Variants in INF2 observed in about 807,000 individuals in gnomAD.
INF2 encodes the protein inverted formin 2.
Under a neutral mutation model 123.5 loss-of-function variants are expected in INF2, and 43 were observed. That is an observed-to-expected ratio of 0.35 (90% CI 0.27 to 0.45). The LOEUF (loss-of-function observed/expected upper bound fraction) is 0.45, where lower values mean the gene tolerates loss of function less well. Among genes scored for constraint, INF2 ranks in the 20% least tolerant of loss-of-function variants. The pLI is 1.00. For missense variants in INF2, 1,453 were observed against 1,682.7 expected (o/e 0.86, Z 2.39); for synonymous variants, 851 against 745.0 (o/e 1.14, Z -2.32).
chr14:104,708,261 CCCTGCTACAGGTGCT>C, intron 8 of INF2, 160 bp from the exon 9 acceptor site: 1 of 906,150 alleles, frequency 1.1e-6, no homozygotes, highest in Non-Finnish European at 1.6e-6. Flanking sequence ...TGCCCTGGGG[CCCTGCTACAGGTGCT>C]CAGGTAGGGA....
chr14:104,712,702 C>G, intron 17 of INF2, 126 bp from the exon 18 acceptor site: 1 of 1,480,044 alleles, frequency 6.8e-7, no homozygotes, highest in Non-Finnish European at 9.1e-7. Context: ...GGCCCCTGCT[C>G]CTTGTCAGAG....
intron 4 of INF2, 45 bp from the exon 5 acceptor site, chr14:104,703,870 CG>C (rs748768429): frequency 1.2e-6 from 2 of 1,609,802 alleles, no homozygotes; most frequent in Admixed American, 3.3e-5. Context: ...ATGGGGAAGG[CG>C]GGGAGTGGCC....
intron 15 of INF2, 22 bp downstream of exon 15, chr14:104,711,208 A>G: frequency 6.5e-7 from 1 of 1,536,654 alleles, no homozygotes; most frequent in Non-Finnish European, 8.8e-7. Context: ...TGGCGGGGGC[A>G]TAATGGGAGG....
chr14:104,707,846 A>G lies in INF2; in HGVS notation c.1579A>G (p.Ser527Gly). 6.5e-7 allele frequency: 1 copy of G among 1,550,214 alleles called. No individual in the cohort carries two copies. Among genetic ancestry groups the G allele is most frequent in the Non-Finnish European group, 8.7e-7 (1 of 1,149,060 alleles). Residue 527 changes from serine (S) to glycine (G), a missense_variant, in exon 8 of 23, where the codon AGC becomes GGC. Physicochemically the swap from Ser to Gly is moderately conservative, Grantham distance 56 (BLOSUM62 0). This residue lies in a region of INF2 where 374 missense variants were observed against 303.7 expected (regional missense o/e 1.23). Transcript: ENST00000392634. ...PPPPLLPCTCSPPVAGGMEEV... is the reference protein window; with the variant it reads ...PPPPLLPCTCGPPVAGGMEEV... ...ACCTCCACTACTGCCCTGCACCTGC[A>G]GCCCCCCCGTGGCGGGAGGCATGGA...
chr14:104,688,522 G>T (rs916156331), upstream of INF2, among the ~76,000 whole-genome samples: 1 of 152,260 alleles, frequency 6.6e-6, no homozygotes, highest in Non-Finnish European at 1.5e-5. Flanking sequence ...TCAGGACTCC[G>T]AGTGGAGACA....
At chr14:104,703,798 G>T in intron 4 of INF2, 118 bp from the exon 5 acceptor site, 1 of 1,537,886 alleles carries the variant, frequency 6.5e-7, no homozygotes, top group Non-Finnish European at 8.9e-7. Flanking sequence ...CAGAGCCTCA[G>T]GTCTCTGGTG....
chr14:104,718,699 T>C, intron 22 of INF2, 96 bp from the exon 23 acceptor site: 2 of 1,561,776 alleles, frequency 1.3e-6, no homozygotes, highest in South Asian at 1.2e-5. Flanking sequence ...ACAGTGGCGA[T>C]GAGGGGTTCA....
intron 2 of INF2, among the ~76,000 whole-genome samples, chr14:104,702,808 A>G (rs1889592684): frequency 6.6e-6 from 1 of 152,164 alleles, no homozygotes; most frequent in African/African-American, 2.4e-5. Flanking sequence ...TGTCTGCCAT[A>G]AACACAGTAA....
Position 104,706,975 on chromosome 14 carries a change from C to T in INF2, c.909C>T (p.Pro303=), listed in dbSNP as rs2140665690. The T allele has an allele frequency of 6.2e-7, 1 of 1,600,372 alleles. No individual in the cohort carries two copies. The highest frequency in any genetic ancestry group is 8.5e-7 in the Non-Finnish European group (1 of 1,178,958). The change falls in exon 7 of 23, where the codon CCC becomes CCT. Residue 303 remains proline, a synonymous_variant. Coordinates refer to ENST00000392634, the MANE Select transcript of INF2 (RefSeq NM_022489.4). ...TGCAGGGCCTCCTGCACCTGGAGCC[C>T]ACCCTCCGCTCCAGCCAGCTGCTCT... ...SVLQGLLHLE[P]TLRSSQLLWE...
chr14:104,709,950 G>A (rs1889968445), intron 12 of INF2, 138 bp from the exon 13 acceptor site: 1 of 804,674 alleles, frequency 1.2e-6, no homozygotes, highest in Non-Finnish European at 2.1e-6. Context: ...GGCCCGGGAG[G>A]GTGCCTGTTG....
chr14:104,683,167 C>G (rs1444429121), intron 1 of INF2, among the ~76,000 whole-genome samples: 14 of 121,438 alleles, frequency 1.2e-4, no homozygotes, highest in African/African-American at 4.2e-4. Context: ...GGGGAGGGGT[C>G]TGCGGGTGGC....
At chr14:104,718,233 G>T (rs1391529870) in intron 22 of INF2, among the ~76,000 whole-genome samples, 1 of 152,196 alleles carries the variant, frequency 6.6e-6, no homozygotes, top group Non-Finnish European at 1.5e-5. Flanking sequence ...GGCAGTGGGG[G>T]TGACACTCAG....
rs771038193 is a variant in INF2 at position 104,701,719 on chromosome 14, C to T, written c.354C>T (p.Ile118=). The T allele has an allele frequency of 5.7e-5, 87 of 1,538,802 alleles. 1 individual carries two copies. Among genetic ancestry groups the T allele is most frequent in the Admixed American group, 1.9e-5 (1 of 51,742 alleles). The change falls in exon 2 of 23, where the codon ATC becomes ATT. Residue 118 remains isoleucine, a synonymous_variant. Coordinates refer to ENST00000392634, the MANE Select transcript of INF2 (RefSeq NM_022489.4). ...ACTCGCGGCAGGGCATCGAGTACAT[C>T]CTCAGCAACCAGGGCTACGTGCGCC... ...VMNSRQGIEY[I]LSNQGYVRQL... is the part of the protein sequence containing the mutation.
Position 104,719,009 on chromosome 14 carries a change from C to T in INF2, c.*216C>T, listed in dbSNP as rs1890448738. Reference sequence around the variant, plus strand: ...AGTGCCCTGCCAGGCCTGGTGCCCTCCTGGACCGCCTGCACGTGCCAGCCT... The same window carrying T: ...AGTGCCCTGCCAGGCCTGGTGCCCTTCTGGACCGCCTGCACGTGCCAGCCT... On this transcript the variant is annotated 3_prime_UTR_variant, in exon 23 of 23. Transcript: ENST00000392634. 1.7e-6 allele frequency: 2 copies of T among 1,158,688 alleles called. No individual in the cohort carries two copies. The highest frequency in any genetic ancestry group is 3.6e-5 in the South Asian group (2 of 55,136). The allele number at this position is 1,158,688 out of a possible 1,614,324, so 71.8% of individuals were successfully genotyped here.
At chr14:104,700,100 C>T (rs368903764) in intron 1 of INF2, among the ~76,000 whole-genome samples, 1 of 152,136 alleles carries the variant, frequency 6.6e-6, no homozygotes, top group Admixed American at 6.5e-5. Flanking sequence ...GGGAGGCAGG[C>T]GCTTGGGTGC....
At position 104,707,907 on chromosome 14, in the gene INF2, G is replaced by A. The variant is rs376451593; in HGVS notation, c.1640G>A (p.Gly547Asp). The stretch of plus-strand genomic sequence containing the variant: ...GTGGCCCAGGTGGACCATGGCTTGG[G>A]CTCAGCATGGGTCCCCAGCCATCGG... The part of the protein sequence containing the change: ...VIVAQVDHGL[G>D]SAWVPSHRRV... Residue 547 changes from glycine (G) to aspartate (D), a missense_variant, in exon 8 of 23, where the codon GGC (glycine) becomes GAC (aspartate). Gly to Asp is a moderately conservative substitution (Grantham distance 94). Transcript: ENST00000392634. The A allele has an allele frequency of 2.0e-4, 319 of 1,603,544 alleles. 1 individual carries two copies. The highest frequency in any genetic ancestry group is 5.9e-4 in the South Asian group (54 of 91,080).
At position 104,708,708 on chromosome 14, in the gene INF2, A is replaced by T. The variant is rs750902388; in HGVS notation, c.1925A>T (p.Asn642Ile). 2 of 1,613,118 alleles carry T rather than the reference A, an allele frequency of 1.2e-6. No individual in the cohort carries two copies. The highest frequency in any genetic ancestry group is 1.7e-6 in the Non-Finnish European group (2 of 1,179,842). Residue 642 changes from asparagine to isoleucine, a missense_variant, in exon 10 of 23, where the codon AAC (asparagine) becomes ATC (isoleucine). Coordinates refer to ENST00000392634, the MANE Select transcript of INF2 (RefSeq NM_022489.4). ...GATGCCAAGAAGAGCCTGAACCTCA[A>T]CATCTTCCTGAAGCAATTTAAGTGG... ...FLDAKKSLNL[N>I]IFLKQFKCSN...
At chr14:104,695,822 G>A (rs559442827) in intron 1 of INF2, among the ~76,000 whole-genome samples, 12 of 151,966 alleles carry the variant, frequency 7.9e-5, no homozygotes, top group Admixed American at 2.0e-4. Context: ...TGGCCAGCCC[G>A]GACCCCCCAG....
At position 104,684,224 on chromosome 14, in the gene INF2, G is replaced by T; in HGVS notation, c.-104+2642G>T. The T allele has an allele frequency of 2.3e-6, 1 of 441,404 alleles. No homozygotes were observed. The highest frequency in any genetic ancestry group is 1.6e-5 in the South Asian group (1 of 62,596). The allele number at this position is 441,404 out of a possible 1,614,324, so 27.3% of individuals were successfully genotyped here. A position where few individuals can be genotyped will look rare whatever the true frequency, so the allele number is the denominator to read the frequency against. On this transcript the variant is annotated intron_variant, in intron 1 of 2. Coordinates refer to the INF2 transcript ENST00000674723. The surrounding 1 kb of genome is among the most constrained non-coding windows in gnomAD (Gnocchi z 5.0). The stretch of plus-strand genomic sequence containing the variant: ...ACCAGACAACTGAGGCAACCGAGAA[G>T]GAGGCTGGGGAGGGACAGCTCGAGG...
Sources: allele counts gnomAD v4.1 joint callset (sites outside exome capture counted in the v4.1 genomes callset), GRCh38; gene constraint gnomAD v4.1.1; regional missense constraint gnomAD v4.1.1; non-coding constraint Gnocchi (gnomAD v3.1); transcripts MANE v1.5; gene names NCBI Gene and HGNC (gene_info 2026-07-23, HGNC 2026-07-21).